The following PDE1A variants were observed in gnomAD, a reference collection of about 807,000 sequenced individuals.
PDE1A encodes the protein phosphodiesterase 1A.
PDE1A carries 35 observed loss-of-function variants against 61.7 expected under a neutral mutation model. That is an observed-to-expected ratio of 0.57 (90% CI 0.43 to 0.75). PDE1A has a LOEUF of 0.75. Ranked by LOEUF, PDE1A falls within the 30% of genes least tolerant of loss-of-function variation. PDE1A has a pLI of 0.00. For missense variants in PDE1A, 597 were observed against 630.6 expected (o/e 0.95, Z 0.57); for synonymous variants, 232 against 213.2 (o/e 1.09, Z -0.77).
chr2:182,259,869 C>A (rs950857347), intron 2 of PDE1A, among the ~76,000 whole-genome samples: 4 of 152,146 alleles, frequency 2.6e-5, no homozygotes, highest in Non-Finnish European at 5.9e-5. Context: ...TAAGGACAAT[C>A]GAACATATTT....
intron 13 of PDE1A, among the ~76,000 whole-genome samples, chr2:182,161,208 G>A (rs1219655847): frequency 6.6e-6 from 1 of 152,142 alleles, no homozygotes; most frequent in Non-Finnish European, 1.5e-5. Flanking sequence ...GAAGGAGAAG[G>A]AGAATCTCCT....
chr2:182,246,548 C>T (rs995294407), intron 2 of PDE1A, among the ~76,000 whole-genome samples: 4 of 151,604 alleles, frequency 2.6e-5, no homozygotes, highest in Admixed American at 6.6e-5. Flanking sequence ...GGATTACAGG[C>T]GTGCCACCAC....
chr2:182,480,784 T>C (rs1238616492), intron 2 of PDE1A, among the ~76,000 whole-genome samples: 2 of 151,876 alleles, frequency 1.3e-5, no homozygotes, highest in Non-Finnish European at 2.9e-5. Context: ...CATGTGCATG[T>C]ACATACACAA....
At chr2:182,323,118 C>A (rs1037125220) in intron 1 of PDE1A, among the ~76,000 whole-genome samples, 2 of 152,032 alleles carry the variant, frequency 1.3e-5, no homozygotes, top group Admixed American at 6.6e-5. Context: ...TGAGCTTGAA[C>A]AAATAAATCT....
intron 2 of PDE1A, among the ~76,000 whole-genome samples, chr2:182,470,339 A>G (rs897804240): frequency 1.3e-5 from 2 of 151,904 alleles, no homozygotes; most frequent in Non-Finnish European, 2.9e-5. Context: ...ATGAAAAACT[A>G]CAGCTAACAT....
chr2:182,226,121 G>A (rs922365572), intron 6 of PDE1A, among the ~76,000 whole-genome samples: 1 of 149,454 alleles, frequency 6.7e-6, no homozygotes, highest in Non-Finnish European at 1.5e-5. Flanking sequence ...TTAAATTTTT[G>A]AGTGGGTTCA....
chr2:182,256,038 C>CTT (rs755211798), intron 2 of PDE1A, among the ~76,000 whole-genome samples: 42 of 92,290 alleles, frequency 4.6e-4, no homozygotes, highest in East Asian at 1.0e-3. Flanking sequence ...AGGATGACTT[C>CTT]TTTTTTTTTT....
intron 2 of PDE1A, among the ~76,000 whole-genome samples, chr2:182,246,099 A>G (rs1690926193): frequency 6.6e-6 from 1 of 152,188 alleles, no homozygotes; most frequent in Admixed American, 6.5e-5. Flanking sequence ...TGCCTTATTC[A>G]TAAAGCTCCA....
chr2:182,634,587 G>A, the PDE1A span, among the ~76,000 whole-genome samples: 14 of 152,284 alleles, frequency 9.2e-5, no homozygotes, highest in Non-Finnish European at 1.9e-4. Flanking sequence ...TTTCTGAGAT[G>A]CTAAGGATTG....
chr2:182,443,700 CTTTTTTTTTT>C (rs1213330952), intron 2 of PDE1A, among the ~76,000 whole-genome samples: 1 of 134,288 alleles, frequency 7.4e-6, no homozygotes, highest in African/African-American at 2.8e-5. Flanking sequence ...TTCTTTTTTC[CTTTTTTTTTT>C]TTTTTTTTTG....
At chr2:182,244,095 G>C (rs1007392145) in intron 2 of PDE1A, among the ~76,000 whole-genome samples, 2 of 152,120 alleles carry the variant, frequency 1.3e-5, no homozygotes, top group African/African-American at 4.8e-5. Flanking sequence ...TCGAACTCCC[G>C]ACCTCAGGTG....
intron 1 of PDE1A, among the ~76,000 whole-genome samples, chr2:182,292,928 T>A (rs1213979384): frequency 6.6e-6 from 1 of 152,088 alleles, no homozygotes; most frequent in Admixed American, 6.6e-5. Context: ...CAGTGTATCA[T>A]TGTGAGGTTT....
At chr2:182,578,763 G>A in the PDE1A span, among the ~76,000 whole-genome samples, 3 of 152,216 alleles carry the variant, frequency 2.0e-5, no homozygotes, top group Non-Finnish European at 2.9e-5. Context: ...CCTATTGTGA[G>A]CTCAGGAAAG....
At chr2:182,431,752 A>G (rs947210541), upstream of PDE1A, among the ~76,000 whole-genome samples, 5 of 152,108 alleles carry the variant, frequency 3.3e-5, no homozygotes, top group African/African-American at 1.2e-4. Flanking sequence ...TCCTTACAGT[A>G]GGCTGTCATC....
chr2:182,284,208 G>A (rs909748854), intron 1 of PDE1A, among the ~76,000 whole-genome samples: 1 of 152,130 alleles, frequency 6.6e-6, no homozygotes, highest in Non-Finnish European at 1.5e-5. Flanking sequence ...TGAGGAGTCT[G>A]TGTCTTACAA....
chr2:182,293,652 C>T (rs1694686286), intron 1 of PDE1A, among the ~76,000 whole-genome samples: 1 of 152,238 alleles, frequency 6.6e-6, no homozygotes, highest in East Asian at 1.9e-4. Flanking sequence ...ACCATAAACA[C>T]AGCCTACATG....
chr2:182,426,168 C>T (rs188717456), intron 1 of PDE1A, among the ~76,000 whole-genome samples: 2 of 152,276 alleles, frequency 1.3e-5, no homozygotes, highest in East Asian at 1.9e-4. Flanking sequence ...ATTTATCTCC[C>T]GACACTTCAC....
chr2:182,313,735 G>C (rs1386210218), intron 1 of PDE1A, among the ~76,000 whole-genome samples: 3 of 148,936 alleles, frequency 2.0e-5, no homozygotes, highest in Non-Finnish European at 3.0e-5. Context: ...TATTTATTTT[G>C]AGTCTTACTT....
intron 1 of PDE1A, among the ~76,000 whole-genome samples, chr2:182,352,906 T>C (rs1028628199): frequency 1.3e-5 from 2 of 152,076 alleles, no homozygotes; most frequent in Non-Finnish European, 2.9e-5. Context: ...AAAAAATAAA[T>C]CAACAATTTG....
Sources: allele counts gnomAD v4.1 joint callset (sites outside exome capture counted in the v4.1 genomes callset), GRCh38; gene constraint gnomAD v4.1.1; transcripts MANE v1.5; gene names NCBI Gene and HGNC (gene_info 2026-07-23, HGNC 2026-07-21).